The following CTNND2 variants were observed in gnomAD, a reference collection of about 807,000 sequenced individuals.
CTNND2 encodes catenin delta 2, also known as catenin delta-2.
A neutral mutation model predicts 144.4 loss-of-function variants in CTNND2; 22 were observed. That is an observed-to-expected ratio of 0.15 (90% confidence interval 0.11 to 0.22). The LOEUF (loss-of-function observed/expected upper bound fraction) is 0.22, where lower values mean the gene tolerates loss of function less well. Ranked by LOEUF, CTNND2 falls within the 10% of genes least tolerant of loss-of-function variation. The pLI, the probability that CTNND2 is intolerant of heterozygous loss-of-function variation, is 1.00. For synonymous variants in CTNND2, 751 were observed against 695.6 expected (o/e 1.08, Z -1.25); for missense variants, 1,353 against 1,618.8 (o/e 0.84, Z 2.82).
chr5:11,225,611 T>A (rs32254), intron 10 of CTNND2, among the ~76,000 whole-genome samples: 139,033 of 152,200 alleles, frequency 0.91, 63,702 homozygotes, highest in East Asian at 0.99. Flanking sequence ...CAAAAAGCAC[T>A]CCCAGCTCCT....
intron 2 of CTNND2, among the ~76,000 whole-genome samples, chr5:11,613,839 G>T (rs567510262): frequency 1.3e-5 from 2 of 152,266 alleles, no homozygotes; most frequent in East Asian, 3.9e-4. Flanking sequence ...CCCTACCAGG[G>T]ACTGACAACT....
At chr5:11,292,256 G>T (rs1748428281) in intron 9 of CTNND2, among the ~76,000 whole-genome samples, 1 of 152,124 alleles carries the variant, frequency 6.6e-6, no homozygotes, top group Non-Finnish European at 1.5e-5. Flanking sequence ...CAATACCTTA[G>T]AATGTGGCCC....
intron 9 of CTNND2, among the ~76,000 whole-genome samples, chr5:11,296,922 GT>G: frequency 6.6e-6 from 1 of 152,060 alleles, no homozygotes; most frequent in Non-Finnish European, 1.5e-5. Flanking sequence ...AACATGGCAC[GT>G]GTATACATAT....
intron 2 of CTNND2, among the ~76,000 whole-genome samples, chr5:11,708,941 C>T (rs1026807002): frequency 6.6e-6 from 1 of 152,154 alleles, no homozygotes; most frequent in Admixed American, 6.6e-5. Flanking sequence ...TGTCTCCTTT[C>T]ACCTAACATA....
At chr5:11,015,264 T>A (rs1741488040) in intron 18 of CTNND2, among the ~76,000 whole-genome samples, 1 of 152,250 alleles carries the variant, frequency 6.6e-6, no homozygotes, top group Admixed American at 6.5e-5. Flanking sequence ...AAGGAGCTTT[T>A]CAAAAGGAAA....
chr5:10,996,278 T>C (rs1012382747), intron 18 of CTNND2, among the ~76,000 whole-genome samples: 7 of 151,914 alleles, frequency 4.6e-5, no homozygotes, highest in Non-Finnish European at 8.8e-5. Flanking sequence ...CTAGAGACGA[T>C]ATGGAGAGTG....
chr5:11,449,788 C>G (rs1765139576), intron 3 of CTNND2, among the ~76,000 whole-genome samples: 2 of 152,156 alleles, frequency 1.3e-5, no homozygotes. Flanking sequence ...TAATCTCATT[C>G]AGAGTGAAGA....
At chr5:11,861,674 C>T (rs775373851) in intron 1 of CTNND2, among the ~76,000 whole-genome samples, 24 of 152,310 alleles carry the variant, frequency 1.6e-4, no homozygotes, top group Non-Finnish European at 3.1e-4. Context: ...AACTCGATCA[C>T]GTCCCTTCTC....
chr5:11,663,480 G>T (rs1189406022), intron 2 of CTNND2, among the ~76,000 whole-genome samples: 1 of 152,044 alleles, frequency 6.6e-6, no homozygotes, highest in African/African-American at 2.4e-5. Context: ...TCTATTCCTG[G>T]AAAACAATGA....
intron 8 of CTNND2, among the ~76,000 whole-genome samples, chr5:11,357,879 T>C (rs1756054746): frequency 6.6e-6 from 1 of 152,122 alleles, no homozygotes; most frequent in African/African-American, 2.4e-5. Context: ...GAGCTTTTTC[T>C]ATTATAATTT....
At chr5:11,112,162 A>G (rs1316999994) in intron 13 of CTNND2, among the ~76,000 whole-genome samples, 2 of 152,002 alleles carry the variant, frequency 1.3e-5, no homozygotes, top group Non-Finnish European at 2.9e-5. Context: ...CTACATCTTA[A>G]TCTCTGGAAC....
chr5:11,236,743 G>C lies in CTNND2; in HGVS notation c.1709C>G (p.Ala570Gly). 2 of 1,614,084 alleles carry C rather than the reference G, an allele frequency of 1.2e-6. No homozygotes were observed. The highest frequency in any genetic ancestry group is 1.7e-6 in the Non-Finnish European group (2 of 1,180,006). Reference sequence around the variant, plus strand: ...ACAGAGGTGTTGCAAGTAGGCTGCCGCGTTAGACTGGACCGAGGGAAACTG... The same window carrying C: ...ACAGAGGTGTTGCAAGTAGGCTGCCCCGTTAGACTGGACCGAGGGAAACTG... Reference protein sequence around the residue: ...QHQFPSVQSNAAAYLQHLCFG... With the variant: ...QHQFPSVQSNGAAYLQHLCFG... The change falls in exon 10 of 22, where the codon GCG becomes GGG. Residue 570 changes from alanine to glycine, a missense_variant. Ala to Gly is a moderately conservative substitution (Grantham distance 60). This residue lies in a region of CTNND2 where 69 missense variants were observed against 120.3 expected (regional missense o/e 0.57). Transcript: ENST00000304623.
At chr5:11,424,064 A>C (rs1043228862) in intron 3 of CTNND2, among the ~76,000 whole-genome samples, 1 of 152,174 alleles carries the variant, frequency 6.6e-6, no homozygotes, top group Non-Finnish European at 1.5e-5. Flanking sequence ...AGTCATCTGA[A>C]ACCATCTGAA....
chr5:11,736,739 G>A (rs959883989), intron 1 of CTNND2, among the ~76,000 whole-genome samples: 3 of 152,136 alleles, frequency 2.0e-5, no homozygotes, highest in African/African-American at 7.2e-5. Context: ...GGGAAGTATA[G>A]AGAAATAAAA....
chr5:11,535,307 G>A (rs143266171), intron 3 of CTNND2, among the ~76,000 whole-genome samples: 1 of 151,950 alleles, frequency 6.6e-6, no homozygotes, highest in South Asian at 2.1e-4. Context: ...ACTGCCTCCA[G>A]TTCTTGTCAA....
intron 3 of CTNND2, among the ~76,000 whole-genome samples, chr5:11,510,805 C>T (rs1348611891): frequency 2.0e-5 from 3 of 152,078 alleles, no homozygotes; most frequent in Non-Finnish European, 2.9e-5. Context: ...GTGGCACATG[C>T]ATGTAGTCCC....
rs111695080 is a variant in CTNND2, at chr5:11,885,916, C to A, written c.37+17901G>T. Among the ~76,000 whole-genome samples, 906 of 152,196 alleles carry A rather than the reference C, an allele frequency of 6.0e-3. 10 individuals carry two copies. Among genetic ancestry groups the A allele is most frequent in the African/African-American group, 0.021 (866 of 41,550 alleles). Reference sequence around the variant, plus strand: ...ATCATGGAAATTAAGCAACACGGTTCTGAACAACCAACGGGTCGATACAGA... The same window carrying A: ...ATCATGGAAATTAAGCAACACGGTTATGAACAACCAACGGGTCGATACAGA... On this transcript the variant is annotated intron_variant, in intron 1 of 21. Coordinates refer to ENST00000304623, the MANE Select transcript of CTNND2 (RefSeq NM_001332.4).
chr5:11,634,787 C>T (rs1781594519), intron 2 of CTNND2, among the ~76,000 whole-genome samples: 1 of 152,074 alleles, frequency 6.6e-6, no homozygotes, highest in Admixed American at 6.6e-5. Context: ...AGAGGGAGCA[C>T]AGAAAACATG....
At chr5:11,516,591 C>T (rs1299254669) in intron 3 of CTNND2, among the ~76,000 whole-genome samples, 1 of 151,878 alleles carries the variant, frequency 6.6e-6, no homozygotes, top group Non-Finnish European at 1.5e-5. Context: ...ATTTCACTTA[C>T]AATAGCATCA....
Sources: allele counts gnomAD v4.1 joint callset (sites outside exome capture counted in the v4.1 genomes callset), GRCh38; gene constraint gnomAD v4.1.1; regional missense constraint gnomAD v4.1.1; transcripts MANE v1.5; gene names NCBI Gene and HGNC (gene_info 2026-07-23, HGNC 2026-07-21).